Variants in IL1RAPL2 observed in about 807,000 individuals in gnomAD.
IL1RAPL2 encodes interleukin 1 receptor accessory protein like 2.
IL1RAPL2 carries 3 observed loss-of-function variants against 44.1 expected under a neutral mutation model. The observed-to-expected ratio is 0.07, with a 90% CI of 0.03 to 0.18. IL1RAPL2 has a LOEUF of 0.18. Among genes scored for constraint, IL1RAPL2 ranks in the 10% least tolerant of loss-of-function variants. The pLI, the probability that IL1RAPL2 is intolerant of heterozygous loss-of-function variation, is 1.00. For synonymous variants in IL1RAPL2, 181 were observed against 178.8 expected (o/e 1.01, Z -0.10); for missense variants, 391 against 496.4 (o/e 0.79, Z 2.02).
At chrX:105,664,279 A>G (rs947324892) in intron 6 of IL1RAPL2, among the ~76,000 whole-genome samples, 3 of 111,915 alleles carry the variant, frequency 2.7e-5, no homozygotes, top group Admixed American at 9.5e-5. Context: ...TATTCTGGGG[A>G]AAAGTGCCAC....
chrX:105,132,490 A>G (rs2033037724), intron 2 of IL1RAPL2, among the ~76,000 whole-genome samples: 1 of 110,952 alleles, frequency 9.0e-6, no homozygotes, highest in African/African-American at 3.3e-5. Flanking sequence ...TTCAGGGGAA[A>G]AAAAACACAA....
intron 2 of IL1RAPL2, among the ~76,000 whole-genome samples, chrX:104,822,735 A>G (rs867886828): frequency 8.9e-6 from 1 of 111,808 alleles, no homozygotes; most frequent in Non-Finnish European, 1.9e-5. Context: ...TCTTGTCTAT[A>G]TGGGATCTTT....
chrX:104,845,651 T>C (rs1022508362), intron 2 of IL1RAPL2, among the ~76,000 whole-genome samples: 3 of 111,801 alleles, frequency 2.7e-5, no homozygotes, highest in African/African-American at 9.7e-5. Context: ...TCGCAGTCTT[T>C]TGTGATAATT....
At chrX:104,634,634 A>G (rs1050020840) in intron 1 of IL1RAPL2, among the ~76,000 whole-genome samples, 1 of 111,198 alleles carries the variant, frequency 9.0e-6, no homozygotes, top group Non-Finnish European at 1.9e-5. Context: ...TTGTTGGTTT[A>G]AAGTTTGTTT....
chrX:105,416,552 T>C (rs1569437782), intron 5 of IL1RAPL2, among the ~76,000 whole-genome samples: 1 of 112,506 alleles, frequency 8.9e-6, no homozygotes, highest in African/African-American at 3.2e-5. Flanking sequence ...AAGTAATGCA[T>C]GTAAAGTATT....
intron 1 of IL1RAPL2, among the ~76,000 whole-genome samples, chrX:104,646,786 G>A (rs1930048301): frequency 1.8e-5 from 2 of 111,143 alleles, no homozygotes; most frequent in South Asian, 7.6e-4. Flanking sequence ...GAAGTGACAT[G>A]CAACTGTGAG....
At position 105,615,020 on chromosome X, in the gene IL1RAPL2, A is replaced by G. The variant is rs184411166; in HGVS notation, c.773-102347A>G. Among the ~76,000 whole-genome samples the G allele has an allele frequency of 3.6e-5, 4 of 112,210 alleles. No homozygotes were observed. The East Asian group carries it at 1.1e-3, about 32-fold the overall frequency. Reference sequence around the variant, plus strand: ...TAATCTGACTAAAATTGGACAAAAGATATGAATACACATTTCTCAAAAGAA... The same window carrying G: ...TAATCTGACTAAAATTGGACAAAAGGTATGAATACACATTTCTCAAAAGAA... On this transcript the variant is annotated intron_variant, in intron 6 of 10. Coordinates refer to ENST00000372582, the MANE Select transcript of IL1RAPL2 (RefSeq NM_017416.2).
At chrX:104,637,865 G>C (rs148205097) in intron 1 of IL1RAPL2, among the ~76,000 whole-genome samples, 2,944 of 109,628 alleles carry the variant, frequency 0.027, 45 homozygotes, top group Non-Finnish European at 0.044. Context: ...TGGTATCAGA[G>C]TAATGCTGGC....
intron 2 of IL1RAPL2, among the ~76,000 whole-genome samples, chrX:105,121,240 T>C (rs1003396718): frequency 8.9e-6 from 1 of 111,855 alleles, no homozygotes; most frequent in Non-Finnish European, 1.9e-5. Context: ...AATATAAATA[T>C]TGAAGGTAAT....
chrX:105,220,000 T>G (rs1556178319), intron 3 of IL1RAPL2: 1 of 1,208,547 alleles, frequency 8.3e-7, no homozygotes, highest in East Asian at 3.0e-5. Flanking sequence ...GAGGCTGGTC[T>G]GGGCCATTCT....
At chrX:105,535,919 T>A (rs1172875358) in intron 6 of IL1RAPL2, among the ~76,000 whole-genome samples, 4 of 111,383 alleles carry the variant, frequency 3.6e-5, no homozygotes, top group Non-Finnish European at 7.5e-5. Flanking sequence ...AAAGGCAGCT[T>A]ACTGTATTTT....
intron 6 of IL1RAPL2, among the ~76,000 whole-genome samples, chrX:105,563,800 G>C (rs1264907251): frequency 9.0e-6 from 1 of 111,423 alleles, no homozygotes; most frequent in East Asian, 2.8e-4. Flanking sequence ...AGAAAAAAAT[G>C]AAAGGAGAGA....
chrX:104,712,476 T>C (rs1931478886), intron 2 of IL1RAPL2, among the ~76,000 whole-genome samples: 1 of 110,599 alleles, frequency 9.0e-6, no homozygotes, highest in Admixed American at 9.7e-5. Flanking sequence ...CCTATATGTT[T>C]ACAAGGACAA....
intron 5 of IL1RAPL2, among the ~76,000 whole-genome samples, chrX:105,340,349 ACT>A (rs2035061327): frequency 9.1e-6 from 1 of 110,486 alleles, no homozygotes. Context: ...ACTCCTCACC[ACT>A]CTCTCTGTTA....
intron 2 of IL1RAPL2, among the ~76,000 whole-genome samples, chrX:104,684,165 T>C (rs1432045493): frequency 3.6e-5 from 4 of 111,954 alleles, no homozygotes; most frequent in Admixed American, 9.4e-5. Context: ...GTCTGAAATA[T>C]GAGTTTTATT....
chrX:105,167,692 A>C (rs1368052199), intron 2 of IL1RAPL2, among the ~76,000 whole-genome samples: 1 of 94,296 alleles, frequency 1.1e-5, no homozygotes, highest in Non-Finnish European at 2.0e-5. Context: ...GCTTCATTGC[A>C]AAACTGTAAA....
At chrX:105,635,659 A>G (rs1334290257) in intron 6 of IL1RAPL2, among the ~76,000 whole-genome samples, 1 of 111,774 alleles carries the variant, frequency 8.9e-6, no homozygotes, top group Non-Finnish European at 1.9e-5. Context: ...CCCGATTTTA[A>G]AGATGAGGAA....
intron 2 of IL1RAPL2, among the ~76,000 whole-genome samples, chrX:104,685,940 TAATA>T (rs777471781): frequency 1.9e-4 from 20 of 107,020 alleles, no homozygotes; most frequent in East Asian, 1.2e-3. Flanking sequence ...AATAAATAAA[TAATA>T]AATAAATAAA....
chrX:105,221,081 A>G (rs2033957981), intron 3 of IL1RAPL2, among the ~76,000 whole-genome samples: 1 of 111,931 alleles, frequency 8.9e-6, no homozygotes, highest in Non-Finnish European at 1.9e-5. Context: ...CCTAGTATAC[A>G]GGTTAGTGAC....
Sources: allele counts gnomAD v4.1 joint callset (sites outside exome capture counted in the v4.1 genomes callset), GRCh38; gene constraint gnomAD v4.1.1; transcripts MANE v1.5; gene names NCBI Gene and HGNC (gene_info 2026-07-23, HGNC 2026-07-21).